ANGEL1: variants seen among roughly 807,000 people sequenced by gnomAD.
ANGEL1 encodes the protein angel homolog 1, also known as RNA 2',3'-cyclic phosphatase ANGEL1.
A neutral mutation model predicts 76.4 loss-of-function variants in ANGEL1; 62 were observed. The ratio of observed to expected loss-of-function variants is 0.81; its 90% CI spans 0.66 to 1.00. The LOEUF is 1.00. ANGEL1 is among the 50% of genes least tolerant of loss of function. The pLI is 0.00. For synonymous variants in ANGEL1, 340 were observed against 331.7 expected (o/e 1.03, Z -0.27); for missense variants, 737 against 836.7 (o/e 0.88, Z 1.47).
chr14:76,802,010 GAAA>G (rs949493361), intron 7 of ANGEL1, among the ~76,000 whole-genome samples: 1 of 142,364 alleles, frequency 7.0e-6, no homozygotes, highest in Non-Finnish European at 1.5e-5. Context: ...TACAAAAAAA[GAAA>G]AAAAAAAAAT....
chr14:76,809,467 G>C lies in ANGEL1; in HGVS notation c.241C>G (p.Leu81Val), dbSNP rs142363866. ...CTCTGGGCTAGTCCTTTATCTATAA[G>C]GGGCCCCTCACTTGCAGTTGAGAGC... ...QVLSTASEGPLIDKGLAQSSL... is the reference protein window; with the variant it reads ...QVLSTASEGPVIDKGLAQSSL... The change falls in exon 2 of 10, where the codon CTT becomes GTT. Residue 81 changes from leucine (L) to valine (V), a missense_variant. By Grantham distance (32) the Leu-to-Val change is conservative (BLOSUM62 1). This residue lies in a region of ANGEL1 where 441 missense variants were observed against 449.5 expected (regional missense o/e 0.98). Coordinates refer to ENST00000251089, the MANE Select transcript of ANGEL1 (RefSeq NM_015305.4). The C allele has an allele frequency of 1.0e-4, 166 of 1,614,182 alleles. No homozygotes were observed. The African/African-American group carries it at 2.2e-3, about 21-fold the overall frequency.
chr14:76,798,817 G>A (rs375555571), intron 7 of ANGEL1, among the ~76,000 whole-genome samples: 9 of 151,736 alleles, frequency 5.9e-5, no homozygotes, highest in Admixed American at 4.6e-4. Flanking sequence ...GCATGGTGTC[G>A]CATGTCTGTA....
At chr14:76,799,075 C>T (rs1894672314) in intron 7 of ANGEL1, among the ~76,000 whole-genome samples, 1 of 151,968 alleles carries the variant, frequency 6.6e-6, no homozygotes, top group Non-Finnish European at 1.5e-5. Context: ...ATCAAACCAT[C>T]ACTACCTAGC....
chr14:76,806,511 T>C lies in ANGEL1; in HGVS notation c.1285A>G (p.Ile429Val). ...RLSDGSHCPI[I>V]LCGDLNSVPD... Reference sequence around the variant, plus strand: ...ACAGAATTTAGGTCCCCGCACAAGATGATGGGGCAGTGGCTGCCATCTGAC... The same window carrying C: ...ACAGAATTTAGGTCCCCGCACAAGACGATGGGGCAGTGGCTGCCATCTGAC... The change falls in exon 5 of 10, where the codon ATC (isoleucine) becomes GTC (valine). Residue 429 changes from isoleucine (I) to valine (V), a missense_variant. Around this residue, in one of 2 missense-constraint regions of ANGEL1, gnomAD observed 296 missense variants for 387.2 expected, o/e 0.76. Coordinates refer to ENST00000251089, the MANE Select transcript of ANGEL1 (RefSeq NM_015305.4). 2 of 1,614,192 alleles carry C rather than the reference T, an allele frequency of 1.2e-6. No homozygotes were observed. Among genetic ancestry groups the C allele is most frequent in the Non-Finnish European group, 1.7e-6 (2 of 1,180,026 alleles).
At chr14:76,810,056 T>A (rs1372526303) in intron 1 of ANGEL1, 1 of 380,184 alleles carries the variant, frequency 2.6e-6, no homozygotes, top group Non-Finnish European at 5.3e-6. Context: ...GAACTGTGGG[T>A]TATGATCTAG....
intron 9 of ANGEL1, among the ~76,000 whole-genome samples, chr14:76,790,356 T>C (rs1894367400): frequency 6.6e-6 from 1 of 152,188 alleles, no homozygotes; most frequent in South Asian, 2.1e-4. Context: ...TAGATCTCTA[T>C]TTTTACCTCT....
chr14:76,803,892 G>A lies in ANGEL1; in HGVS notation c.1401C>T (p.Phe467=), dbSNP rs749900508. ...PAWKVSGQED[F]SHQLYQRKLQ... ...GCTTCCTCTGGTAAAGCTGATGGGA[G>A]AAGTCTTCCTGTCCAGATACCTGGG... The change falls in exon 6 of 10, where the codon TTC becomes TTT. Residue 467 remains phenylalanine (F), a synonymous_variant. Transcript: ENST00000251089. The A allele has an allele frequency of 1.9e-6, 3 of 1,614,114 alleles. No homozygotes were observed. The highest frequency in any genetic ancestry group is 2.2e-5 in the South Asian group (2 of 91,088).
At chr14:76,812,541 C>A (rs997669636) in intron 1 of ANGEL1, 1 of 1,247,500 alleles carries the variant, frequency 8.0e-7, no homozygotes, top group Non-Finnish European at 1.0e-6. Flanking sequence ...TGACAACAGG[C>A]GGGAGGAGGG....
Position 76,789,292 on chromosome 14 carries a change from G to A in ANGEL1, c.1949C>T (p.Pro650Leu), listed in dbSNP as rs1372811579. The A allele has an allele frequency of 1.9e-6, 3 of 1,614,100 alleles. No homozygotes were observed. The African/African-American group carries it at 4.0e-5, about 22-fold the overall frequency. Residue 650 changes from proline to leucine, a missense_variant, in exon 10 of 10, where the codon CCC becomes CTC. Coordinates refer to ENST00000251089, the MANE Select transcript of ANGEL1 (RefSeq NM_015305.4). ...GCAGAGGTGGTCTGAAGAGCAGAAGGGGTTGGGTAAGCCATTGGCAGCCCA... is the reference window on the plus strand; with the variant it reads ...GCAGAGGTGGTCTGAAGAGCAGAAGAGGTTGGGTAAGCCATTGGCAGCCCA... ...ILWAANGLPN[P>L]FCSSDHLCLL...
chr14:76,809,117 G>T lies in ANGEL1; in HGVS notation c.591C>A (p.Ile197=), dbSNP rs375186731. 6.2e-7 allele frequency: 1 copy of T among 1,614,204 alleles called. No homozygotes were observed. The highest frequency in any genetic ancestry group is 8.5e-7 in the Non-Finnish European group (1 of 1,180,024). ...PEPVPQEEAS[I]WPFEGLGQLQ... The stretch of plus-strand genomic sequence containing the variant: ...ACTGCCCCAGGCCCTCAAAGGGCCA[G>T]ATGGAAGCCTCTTCCTGGGGCACAG... Residue 197 remains isoleucine, a synonymous_variant, in exon 2 of 10, where the codon ATC becomes ATA. Coordinates refer to ENST00000251089, the MANE Select transcript of ANGEL1 (RefSeq NM_015305.4).
intron 7 of ANGEL1, among the ~76,000 whole-genome samples, chr14:76,792,975 T>C (rs1355770717): frequency 6.6e-6 from 1 of 152,162 alleles, no homozygotes; most frequent in Admixed American, 6.5e-5. Flanking sequence ...GATGACATGA[T>C]CTTATATAGA....
chr14:76,796,606 G>A (rs1894585826), intron 7 of ANGEL1, among the ~76,000 whole-genome samples: 1 of 151,978 alleles, frequency 6.6e-6, no homozygotes, highest in Admixed American at 6.6e-5. Context: ...TCTAACATAT[G>A]ATCAATTCCT....
At position 76,809,364 on chromosome 14, in the gene ANGEL1, C is replaced by T; in HGVS notation, c.344G>A (p.Ser115Asn). The T allele has an allele frequency of 2.5e-6, 4 of 1,614,268 alleles. No individual in the cohort carries two copies. Among genetic ancestry groups the T allele is most frequent in the Non-Finnish European group, 3.4e-6 (4 of 1,180,044 alleles). The change falls in exon 2 of 10, where the codon AGT becomes AAT. Residue 115 changes from serine (S) to asparagine (N), a missense_variant. Physicochemically the swap from Ser to Asn is conservative, Grantham distance 46. This residue lies in a region of ANGEL1 where 441 missense variants were observed against 449.5 expected (regional missense o/e 0.98). Coordinates refer to ENST00000251089, the MANE Select transcript of ANGEL1 (RefSeq NM_015305.4). ...SEDRWSSRQL[S>N]DLRAAENLDE... The stretch of plus-strand genomic sequence containing the variant: ...CAGGTTCTCTGCAGCCCGAAGGTCA[C>T]TCAGCTGCCTGCTGGACCACCTGTC...
chr14:76,805,200 T>C (rs1348289907), intron 5 of ANGEL1, among the ~76,000 whole-genome samples: 1 of 152,082 alleles, frequency 6.6e-6, no homozygotes, highest in Non-Finnish European at 1.5e-5. Flanking sequence ...TCCCATTATA[T>C]CCCCCATCGT....
Position 76,809,233 on chromosome 14 carries a change from C to T in ANGEL1, c.475G>A (p.Ala159Thr). 1.2e-6 allele frequency: 2 copies of T among 1,613,112 alleles called. No individual in the cohort carries two copies. The highest frequency in any genetic ancestry group is 1.7e-6 in the Non-Finnish European group (2 of 1,179,482). ...CCCACTGGGAGGGCAGCACAGTCTG[C>T]ATACTGGGGCTCCGACTGCATGGGG... ...AIPMQSEPQY[A>T]DCAALPVGAL... The change falls in exon 2 of 10, where the codon GCA (alanine) becomes ACA (threonine). Residue 159 changes from alanine (A) to threonine (T), a missense_variant. Transcript: ENST00000251089.
chr14:76,803,292 G>C (rs1240224872), intron 7 of ANGEL1, 79 bp downstream of exon 7: 13 of 1,138,438 alleles, frequency 1.1e-5, no homozygotes, highest in Non-Finnish European at 1.7e-5. Context: ...ACTTAGAAAA[G>C]AGCAGGAAAC....
At chr14:76,802,266 C>A (rs1353391891) in intron 7 of ANGEL1, among the ~76,000 whole-genome samples, 2 of 152,066 alleles carry the variant, frequency 1.3e-5, no homozygotes, top group African/African-American at 4.8e-5. Flanking sequence ...TTATTTTTAT[C>A]TTTGAAGTTA....
Position 76,806,738 on chromosome 14 carries a change from CG to C in ANGEL1, c.1057del (p.Arg353GlyfsTer14). Reference protein sequence around the residue: ...LLCASPVEYFRPGLELLNRDN... With the variant: ...LLCASPVEYFXPGLELLNRDN... ...CCGATTAAGTAGCTCCAAGCCAGGC[CG>C]GAAGTACTCCACAGGGCTAGCACAG... On this transcript the variant is annotated frameshift_variant, in exon 5 of 10. Coordinates refer to ENST00000251089, the MANE Select transcript of ANGEL1 (RefSeq NM_015305.4). LOFTEE classifies it high-confidence loss of function. The C allele has an allele frequency of 6.2e-7, 1 of 1,614,106 alleles. No homozygotes were observed. The highest frequency in any genetic ancestry group is 8.5e-7 in the Non-Finnish European group (1 of 1,180,028).
In ANGEL1 at chr14:76,789,303, G is replaced by A. The variant is rs915890095; in HGVS notation, c.1938C>T (p.Gly646=). ...CTGAAGAGCAGAAGGGGTTGGGTAA[G>A]CCATTGGCAGCCCAGAGTATCTCTT... ...LSEEILWAAN[G]LPNPFCSSDH... The change falls in exon 10 of 10, where the codon GGC becomes GGT. Residue 646 remains glycine, a synonymous_variant. Coordinates refer to ENST00000251089, the MANE Select transcript of ANGEL1 (RefSeq NM_015305.4). 8.7e-6 allele frequency: 14 copies of A among 1,614,254 alleles called. No individual in the cohort carries two copies. The highest frequency in any genetic ancestry group is 1.2e-5 in the Non-Finnish European group (14 of 1,180,052).
Sources: gnomAD v4.1 joint callset for allele counts (sites outside exome capture counted in the v4.1 genomes callset) on GRCh38, gnomAD v4.1.1 for gene constraint, gnomAD v4.1.1 regional missense constraint, MANE v1.5 for transcripts, NCBI Gene and HGNC (gene_info 2026-07-23, HGNC 2026-07-21) for gene names.